AKAP13: variants seen among roughly 807,000 people sequenced by gnomAD.
AKAP13 encodes the protein A-kinase anchor protein 13.
In AKAP13, 80 loss-of-function variants were observed where a neutral mutation model predicts 264.5. The observed-to-expected ratio is 0.30, with a 90% CI of 0.25 to 0.36. The LOEUF is 0.36. Among genes scored for constraint, AKAP13 ranks in the 10% least tolerant of loss-of-function variants. The pLI is 1.00. For synonymous variants in AKAP13, 1,380 were observed against 1,250.2 expected (o/e 1.10, Z -2.19); for missense variants, 3,712 against 3,435.2 (o/e 1.08, Z -2.01).
At position 85,579,739 on chromosome 15, in the gene AKAP13, T is replaced by C. The variant is rs17557307; in HGVS notation, c.1671T>C (p.Asn557=). 0.018 allele frequency: 28,254 copies of C among 1,614,200 alleles called. 322 individuals carry two copies. Among genetic ancestry groups the C allele is most frequent in the Middle Eastern group, 0.036 (218 of 6,062 alleles). Residue 557 remains asparagine (N), a synonymous_variant, in exon 7 of 37, where the codon AAT becomes AAC. Coordinates refer to ENST00000394518, the MANE Select transcript of AKAP13 (RefSeq NM_007200.5). ...CTGAGTCTTCACTTGCATTTAGTAA[T>C]GAAGAAACCTCCACTGAAAAAACAG... is the stretch of plus-strand genomic sequence containing the variant. ...KPAESSLAFS[N]EETSTEKTAE... is the part of the protein sequence containing the mutation.
At chr15:85,643,020 G>GAA (rs779911782) in intron 9 of AKAP13, among the ~76,000 whole-genome samples, 4 of 113,920 alleles carry the variant, frequency 3.5e-5, no homozygotes, top group African/African-American at 1.1e-4. Context: ...TAGGAAACGT[G>GAA]AAAAAAAAAA....
intron 13 of AKAP13, among the ~76,000 whole-genome samples, chr15:85,666,335 T>C (rs1458201201): frequency 6.6e-6 from 1 of 152,196 alleles, no homozygotes; most frequent in African/African-American, 2.4e-5. Context: ...TTTTGAGAAG[T>C]GTCTGTTCAT....
At chr15:85,682,015 A>G (rs1382940462) in intron 14 of AKAP13, 143 bp from the exon 15 acceptor site, 3 of 711,410 alleles carry the variant, frequency 4.2e-6, no homozygotes, top group African/African-American at 3.6e-5. Flanking sequence ...CCTTCTTTCA[A>G]ACCTTTAGAA....
chr15:85,595,599 G>T (rs1436650337), intron 8 of AKAP13, among the ~76,000 whole-genome samples: 2 of 152,222 alleles, frequency 1.3e-5, no homozygotes, highest in African/African-American at 4.8e-5. Context: ...TGTCTGAAAC[G>T]TAATGGTGTT....
At chr15:85,395,877 C>T (rs920224206) in intron 1 of AKAP13, among the ~76,000 whole-genome samples, 2 of 152,096 alleles carry the variant, frequency 1.3e-5, no homozygotes, top group East Asian at 1.9e-4. Flanking sequence ...GTCTATCTTT[C>T]CTCCCAGATT....
chr15:85,419,276 C>T (rs1596107314), intron 1 of AKAP13, among the ~76,000 whole-genome samples: 1 of 152,180 alleles, frequency 6.6e-6, no homozygotes, highest in East Asian at 1.9e-4. Flanking sequence ...ATTATGGCAG[C>T]CTCAGGGCCA....
chr15:85,580,028 T>G lies in AKAP13; in HGVS notation c.1960T>G (p.Ser654Ala), dbSNP rs775165200. The G allele has an allele frequency of 6.2e-7, 1 of 1,614,162 alleles. No individual in the cohort carries two copies. The stretch of plus-strand genomic sequence containing the variant: ...AAAGGGCAAATCCTCACCCATTTGT[T>G]CTACAACTGGAGACGATAAACTTTG... Reference protein sequence around the residue: ...SQKGKSSPICSTTGDDKLCAD... With the variant: ...SQKGKSSPICATTGDDKLCAD... Residue 654 changes from serine (S) to alanine (A), a missense_variant, in exon 7 of 37, where the codon TCT becomes GCT. Physicochemically the swap from Ser to Ala is moderately conservative, Grantham distance 99 (BLOSUM62 1). Coordinates refer to ENST00000394518, the MANE Select transcript of AKAP13 (RefSeq NM_007200.5).
chr15:85,719,673 TGCCTGTAATCCCA>T (rs1275549743), intron 23 of AKAP13, among the ~76,000 whole-genome samples: 5 of 152,106 alleles, frequency 3.3e-5, no homozygotes, highest in Non-Finnish European at 7.4e-5. Context: ...CAGTGGCTCA[TGCCTGTAATCCCA>T]GCACTTTGGG....
intron 1 of AKAP13, among the ~76,000 whole-genome samples, chr15:85,442,243 C>G (rs554222423): frequency 6.3e-4 from 94 of 150,158 alleles, no homozygotes; most frequent in African/African-American, 2.2e-3. Flanking sequence ...AACCCCGTCT[C>G]TACTAAAAAT....
intron 6 of AKAP13, chr15:85,577,913 T>C (rs1406367420): frequency 6.5e-5 from 49 of 756,132 alleles, no homozygotes; most frequent in Non-Finnish European, 7.7e-5. Context: ...CACCTTGTAA[T>C]GGAAAAGAGC....
chr15:85,725,399 G>A (rs55968154), intron 26 of AKAP13, among the ~76,000 whole-genome samples: 25,132 of 151,760 alleles, frequency 0.17, 2,351 homozygotes, highest in Non-Finnish European at 0.22. Context: ...GGGGGAGGGT[G>A]CAGGCACCTG....
At chr15:85,709,659 AATTTTATTTTATTTTATTTT>A (rs56793112) in intron 18 of AKAP13, among the ~76,000 whole-genome samples, 14 of 137,878 alleles carry the variant, frequency 1.0e-4, no homozygotes, top group Middle Eastern at 3.6e-3. Flanking sequence ...TAAAAGGGGG[AATTTTATTTTATTTTATTTT>A]ATTTTATTTT....
chr15:85,601,649 T>TGTGTGTGTGTGTGTGTGTGTGTGTG (rs1567149362), intron 8 of AKAP13, among the ~76,000 whole-genome samples: 6 of 150,916 alleles, frequency 4.0e-5, no homozygotes, highest in Admixed American at 1.3e-4. Flanking sequence ...TGTGTGTGTG[T>TGTGTGTGTGTGTGTGTGTGTGTGTG]TTTTCTTCCA....
At chr15:85,605,122 G>A (rs1269757728) in intron 8 of AKAP13, among the ~76,000 whole-genome samples, 1 of 91,148 alleles carries the variant, frequency 1.1e-5, no homozygotes, top group Non-Finnish European at 2.5e-5. Flanking sequence ...TCAGCGCTTT[G>A]CAGGGCTTCT....
chr15:85,579,629 G>A lies in AKAP13; in HGVS notation c.1561G>A (p.Val521Met), dbSNP rs140751689. The change falls in exon 7 of 37, where the codon GTG becomes ATG. Residue 521 changes from valine (V) to methionine (M), a missense_variant. Val to Met is a conservative substitution (Grantham distance 21). Around this residue, in one of 3 missense-constraint regions of AKAP13, gnomAD observed 2,759 missense variants for 2,411.7 expected, o/e 1.14. Transcript: ENST00000394518. ...TATTGGCACAGCTGGAGCCTCTGAC[G>A]TGCACGTCACAAGTAAGCCTGTGGA... is the stretch of plus-strand genomic sequence containing the variant. ...SNIGTAGASDVHVTSKPVDKI... is the reference protein window; with the variant it reads ...SNIGTAGASDMHVTSKPVDKI... 48 of 1,614,076 alleles carry A rather than the reference G, an allele frequency of 3.0e-5. No homozygotes were observed. Among genetic ancestry groups the A allele is most frequent in the Middle Eastern group, 1.6e-4 (1 of 6,084 alleles).
intron 2 of AKAP13, among the ~76,000 whole-genome samples, chr15:85,499,122 A>G (rs545712825): frequency 1.7e-3 from 256 of 152,268 alleles, no homozygotes; most frequent in African/African-American, 6.0e-3. Flanking sequence ...AGAAGGACAG[A>G]TCTATGGCTT....
chr15:85,525,046 A>G (rs1202399364), intron 3 of AKAP13, among the ~76,000 whole-genome samples: 1 of 147,136 alleles, frequency 6.8e-6, no homozygotes, highest in East Asian at 2.0e-4. Flanking sequence ...TTTCTATTTT[A>G]TCTATCTTTA....
At chr15:85,721,218 TGGTA>T (rs2087260569) in intron 23 of AKAP13, among the ~76,000 whole-genome samples, 1 of 152,210 alleles carries the variant, frequency 6.6e-6, no homozygotes, top group South Asian at 2.1e-4. Context: ...TGTGTGCCAG[TGGTA>T]GGATCAACCT....
chr15:85,495,087 A>T (rs986641649), intron 2 of AKAP13, among the ~76,000 whole-genome samples: 2 of 152,214 alleles, frequency 1.3e-5, no homozygotes, highest in African/African-American at 4.8e-5. Context: ...GAAAGTCAGT[A>T]ATAGCCATCT....
Sources: gnomAD v4.1 joint callset for allele counts (sites outside exome capture counted in the v4.1 genomes callset) on GRCh38, gnomAD v4.1.1 for gene constraint, gnomAD v4.1.1 regional missense constraint, MANE v1.5 for transcripts, NCBI Gene and HGNC (gene_info 2026-07-23, HGNC 2026-07-21) for gene names.